TRIT1: variants seen among roughly 807,000 people sequenced by gnomAD.
TRIT1 encodes the protein tRNA isopentenyltransferase 1.
In TRIT1, 43 loss-of-function variants were observed where a neutral mutation model predicts 51.2. That is an observed-to-expected ratio of 0.84 (90% CI 0.66 to 1.08). The LOEUF (loss-of-function observed/expected upper bound fraction) is 1.08, where lower values mean the gene tolerates loss of function less well. Ranked by LOEUF, TRIT1 falls within the 50% of genes least tolerant of loss-of-function variation. The pLI, the probability that TRIT1 is intolerant of heterozygous loss-of-function variation, is 0.00. For missense variants in TRIT1, 528 were observed against 578.4 expected (o/e 0.91, Z 0.89); for synonymous variants, 184 against 203.9 (o/e 0.90, Z 0.83).
chr1:39,850,130 G>A lies in TRIT1; in HGVS notation c.692C>T (p.Ala231Val), dbSNP rs754067608. Reference protein sequence around the residue: ...FSNPCILWLHADQAVLDERLD... With the variant: ...FSNPCILWLHVDQAVLDERLD... ...CAAAGGGCTGTTACCTGCCTGGTCA[G>A]CATGAAGCCAAAGGATGCAAGGGTT... Residue 231 changes from alanine to valine, a missense_variant, in exon 5 of 11, where the codon GCT becomes GTT. This residue lies in a region of TRIT1 where 468 missense variants were observed against 522.6 expected (regional missense o/e 0.90). Coordinates refer to ENST00000316891, the MANE Select transcript of TRIT1 (RefSeq NM_017646.6). The A allele has an allele frequency of 2.5e-6, 4 of 1,614,176 alleles. No homozygotes were observed. Among genetic ancestry groups the A allele is most frequent in the Non-Finnish European group, 3.4e-6 (4 of 1,180,018 alleles).
At chr1:39,852,490 G>A in intron 4 of TRIT1, 1 of 463,476 alleles carries the variant, frequency 2.2e-6, no homozygotes. Flanking sequence ...CATTATATAG[G>A]CCCTAGGGGA....
intron 1 of TRIT1, chr1:39,881,555 C>CT (rs34559931): frequency 2.0e-4 from 29 of 148,234 alleles, no homozygotes; most frequent in South Asian, 6.5e-4. Context: ...ATTCATGTTC[C>CT]TTTTTTTTTT....
In TRIT1 at chr1:39,838,556, C is replaced by G. The variant is rs1328422252; in HGVS notation, c.*3188G>C. 6.6e-6 allele frequency among the ~76,000 whole-genome samples: 1 copy of G among 152,200 alleles called. No homozygotes were observed. Among genetic ancestry groups the G allele is most frequent in the Non-Finnish European group, 1.5e-5 (1 of 68,034 alleles). On this transcript the variant is annotated 3_prime_UTR_variant, in exon 11 of 11. Coordinates refer to ENST00000316891, the MANE Select transcript of TRIT1 (RefSeq NM_017646.6). ...GCATGATCATGTTTCACTGAAGCCT[C>G]AATCTCCCAGGCCCAAGCCATCCTC...
At chr1:39,846,905 C>A (rs1376447148) in intron 8 of TRIT1, 1 of 233,262 alleles carries the variant, frequency 4.3e-6, no homozygotes, top group Non-Finnish European at 8.2e-6. Context: ...TCTTCAGGTA[C>A]AAAACTGAAG....
intron 1 of TRIT1, among the ~76,000 whole-genome samples, chr1:39,866,208 T>C (rs933286556): frequency 4.6e-5 from 7 of 152,086 alleles, no homozygotes; most frequent in Admixed American, 3.3e-4. Context: ...ACAGAGTCTC[T>C]GTCTCCCAGG....
chr1:39,845,751 C>G (rs1388004971), intron 8 of TRIT1, among the ~76,000 whole-genome samples: 14 of 152,232 alleles, frequency 9.2e-5, no homozygotes, highest in Admixed American at 8.5e-4. Flanking sequence ...GGCTTGGGTC[C>G]AAGGCCATGC....
rs761631586 is a variant in TRIT1 at position 39,857,363 on chromosome 1, T to C, written c.229A>G (p.Ile77Val). The change falls in exon 2 of 11, where the codon ATC becomes GTC. Residue 77 changes from isoleucine to valine, a missense_variant. Ile to Val is a conservative substitution (Grantham distance 29). This residue lies in a region of TRIT1 where 468 missense variants were observed against 522.6 expected (regional missense o/e 0.90). Coordinates refer to ENST00000316891, the MANE Select transcript of TRIT1 (RefSeq NM_017646.6). Reference protein sequence around the residue: ...TNKVSAQEQRICRHHMISFVD... With the variant: ...TNKVSAQEQRVCRHHMISFVD... ...AAGCTGATCATGTGGTGCCGGCAGA[T>C]TCTCTGCTCTTGGGCAGAAACCTTG... 6 of 1,614,072 alleles carry C rather than the reference T, an allele frequency of 3.7e-6. No homozygotes were observed. The South Asian group carries it at 6.6e-5, about 18-fold the overall frequency.
intron 1 of TRIT1, 28 bp downstream of exon 1, chr1:39,883,290 G>T: frequency 1.3e-6 from 2 of 1,584,878 alleles, no homozygotes; most frequent in Non-Finnish European, 1.7e-6. Context: ...GGGGTCCCCA[G>T]GCGCCCGGGC....
In TRIT1 at chr1:39,883,332, C is replaced by T; in HGVS notation, c.160G>A (p.Ala54Thr). The change falls in exon 1 of 11, where the codon GCT becomes ACT. Residue 54 changes from alanine to threonine, a missense_variant. By Grantham distance (58) the Ala-to-Thr change is moderately conservative (BLOSUM62 0). Around this residue, in one of 3 missense-constraint regions of TRIT1, gnomAD observed 468 missense variants for 522.6 expected, o/e 0.90. Transcript: ENST00000316891. ...GQRLGGEIVS[A>T]DSMQVYEGLD... ...CACTGCCATACCTGCATGGAGTCAG[C>T]GCTGACGATCTCACCGCCGAGCCGC... 6.2e-7 allele frequency: 1 copy of T among 1,607,856 alleles called. No individual in the cohort carries two copies. Among genetic ancestry groups the T allele is most frequent in the Non-Finnish European group, 8.5e-7 (1 of 1,177,616 alleles).
intron 4 of TRIT1, among the ~76,000 whole-genome samples, chr1:39,851,189 T>C (rs937796310): frequency 3.3e-5 from 5 of 152,088 alleles, no homozygotes; most frequent in African/African-American, 1.2e-4. Flanking sequence ...AATAGATATC[T>C]CACTTATCTG....
chr1:39,876,824 A>T (rs934237166), intron 1 of TRIT1, among the ~76,000 whole-genome samples: 2 of 150,940 alleles, frequency 1.3e-5, no homozygotes, highest in Admixed American at 6.6e-5. Flanking sequence ...GCTACTCAGG[A>T]GGCTGAGGCA....
At chr1:39,877,541 C>T (rs926085213) in intron 1 of TRIT1, among the ~76,000 whole-genome samples, 1 of 152,130 alleles carries the variant, frequency 6.6e-6, no homozygotes, top group Non-Finnish European at 1.5e-5. Flanking sequence ...CACTTCCTCT[C>T]TATAAACCCG....
At chr1:39,872,780 C>CAG (rs1553146996) in intron 1 of TRIT1, among the ~76,000 whole-genome samples, 1,243 of 106,128 alleles carry the variant, frequency 0.012, 16 homozygotes, top group African/African-American at 0.041. Context: ...CACACACACA[C>CAG]AGAGAGAGAG....
At chr1:39,849,068 T>C (rs1463566888) in intron 5 of TRIT1, among the ~76,000 whole-genome samples, 1 of 152,180 alleles carries the variant, frequency 6.6e-6, no homozygotes, top group African/African-American at 2.4e-5. Context: ...AATTATGTTC[T>C]TCTACATCTC....
At chr1:39,860,528 A>C (rs999149286) in intron 1 of TRIT1, among the ~76,000 whole-genome samples, 1 of 152,206 alleles carries the variant, frequency 6.6e-6, no homozygotes, top group Non-Finnish European at 1.5e-5. Flanking sequence ...AAAAACTAGG[A>C]AACCAAAACA....
At chr1:39,867,921 T>C (rs1013151504) in intron 1 of TRIT1, among the ~76,000 whole-genome samples, 53 of 152,188 alleles carry the variant, frequency 3.5e-4, no homozygotes, top group African/African-American at 1.2e-3. Flanking sequence ...AAAAGACAGC[T>C]ACCACACACT....
chr1:39,869,035 G>A (rs1557572691), intron 1 of TRIT1, among the ~76,000 whole-genome samples: 1 of 152,178 alleles, frequency 6.6e-6, no homozygotes, highest in Non-Finnish European at 1.5e-5. Context: ...ACTTCAGCCT[G>A]GGCAACAAGA....
At chr1:39,852,009 A>C (rs1394101454) in intron 4 of TRIT1, among the ~76,000 whole-genome samples, 1 of 152,084 alleles carries the variant, frequency 6.6e-6, no homozygotes, top group Non-Finnish European at 1.5e-5. Context: ...TTCTAACATT[A>C]AGTTTCACTG....
At chr1:39,844,385 C>A in intron 9 of TRIT1, 146 bp downstream of exon 9, 1 of 818,540 alleles carries the variant, frequency 1.2e-6, no homozygotes, top group Non-Finnish European at 2.0e-6. Context: ...AGTAGAAAAG[C>A]AGTCTCCAGG....
Sources: allele counts gnomAD v4.1 joint callset (sites outside exome capture counted in the v4.1 genomes callset), GRCh38; gene constraint gnomAD v4.1.1; regional missense constraint gnomAD v4.1.1; transcripts MANE v1.5; gene names NCBI Gene and HGNC (gene_info 2026-07-23, HGNC 2026-07-21).